CAMTA1: variants seen among roughly 807,000 people sequenced by gnomAD.
CAMTA1 encodes the protein calmodulin binding transcription activator 1.
In CAMTA1, 27 loss-of-function variants were observed where a neutral mutation model predicts 170.9. That is an observed-to-expected ratio of 0.16 (90% CI 0.12 to 0.22). The LOEUF is 0.22. Among genes scored for constraint, CAMTA1 ranks in the 10% least tolerant of loss-of-function variants. The pLI is 1.00. For synonymous variants in CAMTA1, 833 were observed against 891.5 expected (o/e 0.93, Z 1.17); for missense variants, 1,619 against 2,217.2 (o/e 0.73, Z 5.42).
intron 6 of CAMTA1, among the ~76,000 whole-genome samples, chr1:7,576,677 A>G (rs1038958114): frequency 3.9e-5 from 6 of 152,184 alleles, no homozygotes; most frequent in Non-Finnish European, 4.4e-5. Context: ...GCCCAAATGG[A>G]CTAAGACATG....
intron 3 of CAMTA1, among the ~76,000 whole-genome samples, chr1:7,086,795 T>C (rs943062378): frequency 1.3e-4 from 20 of 152,240 alleles, no homozygotes; most frequent in Admixed American, 2.6e-4. Context: ...CTGTGACACA[T>C]TTTGTTTCTT....
chr1:7,543,435 C>G (rs904129621), intron 6 of CAMTA1, among the ~76,000 whole-genome samples: 1 of 152,160 alleles, frequency 6.6e-6, no homozygotes, highest in Non-Finnish European at 1.5e-5. Context: ...CATGAAATAT[C>G]TCGCTTTTAT....
rs1463210566 is a variant in CAMTA1 at position 6,934,719 on chromosome 1, CT to C, written c.234+109512del. Among the ~76,000 whole-genome samples the C allele has an allele frequency of 2.0e-5, 3 of 152,052 alleles. No homozygotes were observed. The highest frequency in any genetic ancestry group is 7.2e-5 in the African/African-American group (3 of 41,392). ...CTCCCCTCTTATGCCCGCACCATGG[CT>C]TTACCTAGCCCTGCTCTTCAGTGAA... On this transcript the variant is annotated intron_variant, in intron 3 of 22. Transcript: ENST00000303635. The surrounding 1 kb of genome is among the most constrained non-coding windows in gnomAD (Gnocchi z 4.5).
chr1:7,341,696 A>G (rs1052943009), intron 5 of CAMTA1, among the ~76,000 whole-genome samples: 1 of 152,212 alleles, frequency 6.6e-6, no homozygotes, highest in African/African-American at 2.4e-5. Context: ...TCTGCCGTAA[A>G]CATCATCTGT....
At chr1:7,182,200 A>G (rs116113921) in intron 4 of CAMTA1, among the ~76,000 whole-genome samples, 3,265 of 152,226 alleles carry the variant, frequency 0.021, 64 homozygotes, top group Middle Eastern at 0.054. Flanking sequence ...TACACAAGAA[A>G]AACTCCAAAT....
chr1:7,199,213 G>T (rs1410389749), intron 4 of CAMTA1, among the ~76,000 whole-genome samples: 3 of 152,256 alleles, frequency 2.0e-5, no homozygotes, highest in East Asian at 1.9e-4. Flanking sequence ...ATTGGAGCCC[G>T]CCCCCACGCC....
At chr1:6,912,296 A>G (rs1679884697) in intron 3 of CAMTA1, among the ~76,000 whole-genome samples, 1 of 152,210 alleles carries the variant, frequency 6.6e-6, no homozygotes, top group South Asian at 2.1e-4. Flanking sequence ...CTGCTTCAGG[A>G]TGCTTAGCAG....
At chr1:7,257,704 T>C (rs1667623471) in intron 5 of CAMTA1, among the ~76,000 whole-genome samples, 1 of 108,186 alleles carries the variant, frequency 9.2e-6, no homozygotes, top group South Asian at 2.4e-4. Flanking sequence ...GAATTTCAGA[T>C]AAACAACAGT....
chr1:7,252,328 G>A (rs1330154796), intron 5 of CAMTA1, among the ~76,000 whole-genome samples: 1 of 152,234 alleles, frequency 6.6e-6, no homozygotes, highest in Non-Finnish European at 1.5e-5. Context: ...TAGTGAGGAT[G>A]AGTGCCTTCT....
chr1:7,700,121 A>C (rs2096422561), intron 11 of CAMTA1, among the ~76,000 whole-genome samples: 1 of 151,546 alleles, frequency 6.6e-6, no homozygotes, highest in South Asian at 2.1e-4. Flanking sequence ...ATGAAGGTTT[A>C]CTGCCGTATT....
intron 4 of CAMTA1, among the ~76,000 whole-genome samples, chr1:7,200,261 C>G (rs1445466457): frequency 1.3e-5 from 2 of 152,112 alleles, no homozygotes; most frequent in African/African-American, 4.8e-5. Context: ...AAGCTTCTTA[C>G]CTCTAAATAT....
chr1:7,501,761 C>T (rs1479820257), intron 6 of CAMTA1, among the ~76,000 whole-genome samples: 3 of 152,222 alleles, frequency 2.0e-5, no homozygotes, highest in Admixed American at 6.5e-5. Flanking sequence ...CTCTTTGTGC[C>T]ACCTCCTGCT....
intron 4 of CAMTA1, among the ~76,000 whole-genome samples, chr1:7,114,655 G>C (rs1644259020): frequency 1.3e-5 from 2 of 152,368 alleles, no homozygotes; most frequent in Non-Finnish European, 2.9e-5. Flanking sequence ...TCTGCAGTCA[G>C]CAAGGTGGAG....
intron 11 of CAMTA1, chr1:7,694,150 T>G (rs1434423079): frequency 6.6e-6 from 1 of 152,272 alleles, no homozygotes; most frequent in African/African-American, 2.4e-5. Flanking sequence ...TGCTTGCACC[T>G]GCTTCCCCTA....
At chr1:7,432,544 G>T (rs2092208822) in intron 5 of CAMTA1, among the ~76,000 whole-genome samples, 1 of 152,210 alleles carries the variant, frequency 6.6e-6, no homozygotes, top group Non-Finnish European at 1.5e-5. Flanking sequence ...AGGGCTGTCT[G>T]GGAGAGGAAG....
intron 5 of CAMTA1, among the ~76,000 whole-genome samples, chr1:7,313,302 A>G (rs1276473622): frequency 6.6e-6 from 1 of 152,110 alleles, no homozygotes; most frequent in African/African-American, 2.4e-5. Flanking sequence ...TCCCATATCC[A>G]GTTCCCTGGA....
At position 7,634,565 on chromosome 1, in the gene CAMTA1, A is replaced by G. The variant is rs1398700616; in HGVS notation, c.511-5835A>G. On this transcript the variant is annotated intron_variant, in intron 6 of 22. Coordinates refer to ENST00000303635, the MANE Select transcript of CAMTA1 (RefSeq NM_015215.4). The surrounding 1 kb of genome is among the most constrained non-coding windows in gnomAD (Gnocchi z 6.2). ...GGTCAGGACACTGGATGAGGCCACT[A>G]AGGAGGGAGAGAGGGAAAGAGGGAG... 6.6e-6 allele frequency among the ~76,000 whole-genome samples: 1 copy of G among 151,908 alleles called. No individual in the cohort carries two copies. The highest frequency in any genetic ancestry group is 6.6e-5 in the Admixed American group (1 of 15,260).
chr1:6,926,901 T>C (rs1251896704), intron 3 of CAMTA1, among the ~76,000 whole-genome samples: 1 of 151,898 alleles, frequency 6.6e-6, no homozygotes, highest in African/African-American at 2.4e-5. Flanking sequence ...CAGCTAACTC[T>C]TTAAAATTTT....
Position 7,325,195 on chromosome 1 carries a change from A to C in CAMTA1, c.438+75569A>C, listed in dbSNP as rs932983621. 6.6e-6 allele frequency among the ~76,000 whole-genome samples: 1 copy of C among 152,218 alleles called. No homozygotes were observed. Among genetic ancestry groups the C allele is most frequent in the African/African-American group, 2.4e-5 (1 of 41,456 alleles). On this transcript the variant is annotated intron_variant, in intron 5 of 22. Coordinates refer to ENST00000303635, the MANE Select transcript of CAMTA1 (RefSeq NM_015215.4). This position sits in a 1 kb window ranked among gnomAD's most constrained non-coding sequence, Gnocchi z 5.0. ...ACAGGTCCCCACCCTCATGGACTTG[A>C]CATTCTAGCTGGGGTGACAGATTCT...
Sources: allele counts gnomAD v4.1 joint callset (sites outside exome capture counted in the v4.1 genomes callset), GRCh38; gene constraint gnomAD v4.1.1; non-coding constraint Gnocchi (gnomAD v3.1); transcripts MANE v1.5; gene names NCBI Gene and HGNC (gene_info 2026-07-23, HGNC 2026-07-21).